The following GABRA4 variants were observed in gnomAD, a reference collection of about 807,000 sequenced individuals.
The protein encoded by GABRA4 is gamma-aminobutyric acid type A receptor subunit alpha4.
A neutral mutation model predicts 49.7 loss-of-function variants in GABRA4; 12 were observed. The ratio of observed to expected loss-of-function variants is 0.24; its 90% CI spans 0.15 to 0.39. The LOEUF (loss-of-function observed/expected upper bound fraction) is 0.39, where lower values mean the gene tolerates loss of function less well. Ranked by LOEUF, GABRA4 falls within the 10% of genes least tolerant of loss-of-function variation. GABRA4 has a pLI of 1.00. For synonymous variants in GABRA4, 288 were observed against 240.2 expected (o/e 1.20, Z -1.84); for missense variants, 506 against 686.0 (o/e 0.74, Z 2.93).
intron 3 of GABRA4, among the ~76,000 whole-genome samples, chr4:46,978,348 C>T (rs1723218703): frequency 6.6e-6 from 1 of 151,940 alleles, no homozygotes; most frequent in Admixed American, 6.6e-5. Flanking sequence ...CTAGTTCATA[C>T]TGAAACTAAT....
At chr4:46,955,472 ATACT>A (rs969638211) in intron 8 of GABRA4, among the ~76,000 whole-genome samples, 5 of 152,218 alleles carry the variant, frequency 3.3e-5, no homozygotes, top group East Asian at 3.9e-4. Flanking sequence ...TTGAATGGTA[ATACT>A]TAATTTATTA....
At chr4:46,952,001 T>C (rs1477466746) in intron 8 of GABRA4, among the ~76,000 whole-genome samples, 1 of 151,918 alleles carries the variant, frequency 6.6e-6, no homozygotes, top group Non-Finnish European at 1.5e-5. Context: ...CAAAAAGCAA[T>C]TAAAAGTATT....
chr4:46,992,646 G>T, intron 2 of GABRA4, 182 bp downstream of exon 2: 1 of 600,560 alleles, frequency 1.7e-6, no homozygotes. Context: ...GCAGGGAGAT[G>T]GGAAAGTACG....
At chr4:46,933,737 A>G (rs1310578164) in intron 8 of GABRA4, among the ~76,000 whole-genome samples, 8 of 152,204 alleles carry the variant, frequency 5.3e-5, no homozygotes, top group Non-Finnish European at 1.2e-4. Flanking sequence ...TACAGAGTGT[A>G]GAGACTTCAG....
chr4:46,940,986 T>C (rs1317590053), intron 8 of GABRA4, among the ~76,000 whole-genome samples: 1 of 152,166 alleles, frequency 6.6e-6, no homozygotes, highest in Non-Finnish European at 1.5e-5. Context: ...TTGCATGTTC[T>C]ACCACTTTAT....
Position 46,968,536 on chromosome 4 carries a change from A to C in GABRA4, c.874+2547T>G, listed in dbSNP as rs143751611. On this transcript the variant is annotated intron_variant, in intron 7 of 8. Transcript: ENST00000264318. ...AAATTGTCTTGGGTCCACCAATTAC[A>C]ATTTGATTTTATACAAGTTTCTTAA... Among the ~76,000 whole-genome samples, 1,057 of 151,698 alleles carry C rather than the reference A, an allele frequency of 7.0e-3. 7 individuals are homozygous for C. Among genetic ancestry groups the C allele is most frequent in the African/African-American group, 0.024 (995 of 41,476 alleles).
chr4:46,940,265 T>A (rs1455768429), intron 8 of GABRA4, among the ~76,000 whole-genome samples: 3 of 152,096 alleles, frequency 2.0e-5, no homozygotes, highest in Non-Finnish European at 4.4e-5. Context: ...TAAAACTGAT[T>A]GAAACATTTT....
rs147337220 is a variant in GABRA4 at position 46,940,547 on chromosome 4, C to A, written c.1135-11792G>T. Among the ~76,000 whole-genome samples the A allele has an allele frequency of 2.4e-3, 359 of 152,046 alleles. 1 individual carries two copies. Among genetic ancestry groups the A allele is most frequent in the African/African-American group, 8.3e-3 (343 of 41,486 alleles). The stretch of plus-strand genomic sequence containing the variant: ...TATTTTTAAAATCAGTCCTCTCCCC[C>A]CTAGTCTTTACCAATGGAAGTAGTC... On this transcript the variant is annotated intron_variant, in intron 8 of 8. Coordinates refer to ENST00000264318, the MANE Select transcript of GABRA4 (RefSeq NM_000809.4).
chr4:46,972,137 C>G (rs892079850), intron 6 of GABRA4, among the ~76,000 whole-genome samples: 2 of 151,518 alleles, frequency 1.3e-5, no homozygotes, highest in Non-Finnish European at 3.0e-5. Flanking sequence ...TTTTCCTGGA[C>G]AGATGAGAGG....
chr4:46,919,991 G>A lies in GABRA4; in HGVS notation c.*8234C>T, dbSNP rs921576191. 1.3e-5 allele frequency: 2 copies of A among 151,582 alleles called. No homozygotes were observed. Among genetic ancestry groups the A allele is most frequent in the South Asian group, 2.1e-4 (1 of 4,830 alleles). The allele number at this position is 151,582 out of a possible 1,614,324, so 9.4% of individuals were successfully genotyped here. On this transcript the variant is annotated 3_prime_UTR_variant, in exon 9 of 9. Transcript: ENST00000264318. ...CTGCCCCTTGAAAAATGAAAGCTCT[G>A]ATTTACTGTATACTTGAACTAGGAG... is the stretch of plus-strand genomic sequence containing the variant.
At chr4:46,980,813 G>C (rs763499330) in intron 2 of GABRA4, among the ~76,000 whole-genome samples, 2 of 152,054 alleles carry the variant, frequency 1.3e-5, no homozygotes, top group Non-Finnish European at 2.9e-5. Flanking sequence ...ACTCAAGTAG[G>C]TTCAACAGTG....
At chr4:46,972,350 T>A (rs947063183) in intron 6 of GABRA4, among the ~76,000 whole-genome samples, 1 of 151,598 alleles carries the variant, frequency 6.6e-6, no homozygotes, top group Non-Finnish European at 1.5e-5. Context: ...TGGGCTAAAT[T>A]CCTTTTTAAA....
chr4:46,982,594 A>G (rs1046064327), intron 2 of GABRA4, among the ~76,000 whole-genome samples: 2 of 151,964 alleles, frequency 1.3e-5, no homozygotes, highest in South Asian at 2.1e-4. Flanking sequence ...CGTTTTTCCT[A>G]TGTTCTTTCC....
In GABRA4 at chr4:46,928,613, C is replaced by T. The variant is rs369080252; in HGVS notation, c.1277G>A (p.Arg426Gln). Residue 426 changes from arginine (R) to glutamine (Q), a missense_variant, in exon 9 of 9, where the codon CGG becomes CAG. Coordinates refer to ENST00000264318, the MANE Select transcript of GABRA4 (RefSeq NM_000809.4). ...GTTTGGACTGGAAGCTAAGTAAGAC[C>T]GAGGTGTGCCTTTAGAAGATTCTTG... ...VVQESSKGTPRSYLASSPNPF... is the reference protein window; with the variant it reads ...VVQESSKGTPQSYLASSPNPF... 2.4e-5 allele frequency: 38 copies of T among 1,613,548 alleles called. No homozygotes were observed. The African/African-American group carries it at 2.9e-4, about 12-fold the overall frequency.
At chr4:46,948,638 C>T (rs970814643) in intron 8 of GABRA4, among the ~76,000 whole-genome samples, 1 of 152,056 alleles carries the variant, frequency 6.6e-6, no homozygotes, top group African/African-American at 2.4e-5. Context: ...TTACCATTAC[C>T]TCAAACAACA....
intron 8 of GABRA4, among the ~76,000 whole-genome samples, chr4:46,960,336 G>C (rs1002606213): frequency 1.3e-5 from 2 of 151,360 alleles, no homozygotes. Context: ...AAAATCAGTG[G>C]GAGAATTTTT....
chr4:46,942,301 T>C (rs1721830670), intron 8 of GABRA4, among the ~76,000 whole-genome samples: 2 of 152,150 alleles, frequency 1.3e-5, no homozygotes, highest in East Asian at 1.9e-4. Context: ...TCTACAATTA[T>C]GGTTTCCACT....
At chr4:46,931,365 G>C (rs1036437095) in intron 8 of GABRA4, among the ~76,000 whole-genome samples, 1 of 152,038 alleles carries the variant, frequency 6.6e-6, no homozygotes, top group Non-Finnish European at 1.5e-5. Flanking sequence ...AAGAGCAAGA[G>C]TAGGAAGGAT....
At chr4:46,950,188 T>C (rs1003263381) in intron 8 of GABRA4, among the ~76,000 whole-genome samples, 2 of 152,028 alleles carry the variant, frequency 1.3e-5, no homozygotes, top group Admixed American at 6.6e-5. Context: ...AAGCTCAGAA[T>C]CTATACAAGC....
Sources: allele counts gnomAD v4.1 joint callset (sites outside exome capture counted in the v4.1 genomes callset), GRCh38; gene constraint gnomAD v4.1.1; transcripts MANE v1.5; gene names NCBI Gene and HGNC (gene_info 2026-07-23, HGNC 2026-07-21).